Variants in ADGRL2 observed in about 807,000 individuals in gnomAD.
ADGRL2 encodes the protein adhesion G protein-coupled receptor L2.
ADGRL2 carries 44 observed loss-of-function variants against 157.4 expected under a neutral mutation model. The ratio of observed to expected loss-of-function variants is 0.28; its 90% confidence interval spans 0.22 to 0.36. The LOEUF (loss-of-function observed/expected upper bound fraction) is 0.36. Ranked by LOEUF, ADGRL2 falls within the 10% of genes least tolerant of loss-of-function variation. The pLI is 1.00. For synonymous variants in ADGRL2, 585 were observed against 624.7 expected, an observed-to-expected ratio of 0.94 and a Z score of 0.95; for missense variants, 1,510 against 1,768.9, an observed-to-expected ratio of 0.85 and a Z score of 2.63.
At chr1:81,816,149 CAA>C (rs146160321) in intron 1 of ADGRL2, among the ~76,000 whole-genome samples, 1,764 of 151,794 alleles carry the variant, frequency 0.012, 25 homozygotes, top group African/African-American at 0.029. Flanking sequence ...CTGTGAAAAT[CAA>C]GAGGAGCATA....
intron 2 of ADGRL2, among the ~76,000 whole-genome samples, chr1:81,466,775 C>G (rs1403562783): frequency 6.6e-6 from 1 of 151,908 alleles, no homozygotes; most frequent in Non-Finnish European, 1.5e-5. Context: ...CTAGCCAACT[C>G]CAGAAGTCAT....
intron 3 of ADGRL2, among the ~76,000 whole-genome samples, chr1:81,613,234 A>G (rs1015051439): frequency 2.6e-5 from 4 of 152,202 alleles, no homozygotes; most frequent in South Asian, 4.1e-4. Context: ...AAGATAATGC[A>G]TGTAAAACAC....
chr1:81,770,508 T>C (rs187229183), intron 2 of ADGRL2, among the ~76,000 whole-genome samples: 196 of 148,812 alleles, frequency 1.3e-3, no homozygotes, highest in Non-Finnish European at 2.1e-3. Flanking sequence ...AGTTTTGCTC[T>C]TGTTGCCCAG....
intron 2 of ADGRL2, among the ~76,000 whole-genome samples, chr1:81,456,166 A>C (rs942802432): frequency 1.3e-5 from 2 of 152,070 alleles, no homozygotes; most frequent in Non-Finnish European, 2.9e-5. Flanking sequence ...CAGTTTACTT[A>C]GGATATGATA....
chr1:81,511,674 G>A (rs892922056), intron 2 of ADGRL2, among the ~76,000 whole-genome samples: 3 of 151,892 alleles, frequency 2.0e-5, no homozygotes, highest in African/African-American at 7.3e-5. Context: ...CTTTCCACAT[G>A]TTTCTTATTC....
intron 1 of ADGRL2, among the ~76,000 whole-genome samples, chr1:81,339,710 T>C (rs1661927364): frequency 6.6e-6 from 1 of 152,188 alleles, no homozygotes; most frequent in Non-Finnish European, 1.5e-5. Flanking sequence ...AGCTCCCACC[T>C]GTTATACACA....
Position 81,543,578 on chromosome 1 carries a change from T to C in ADGRL2, c.-247-37298T>C, listed in dbSNP as rs115299381. Among the ~76,000 whole-genome samples the C allele has an allele frequency of 2.9e-3, 447 of 152,354 alleles. 3 individuals are homozygous for C. Among genetic ancestry groups the C allele is most frequent in the African/African-American group, 0.01 (426 of 41,588 alleles). On this transcript the variant is annotated intron_variant, in intron 2 of 24. Coordinates refer to the ADGRL2 transcript ENST00000370721. ...TTATTTCTGGTTACTTCTTATCCCT[T>C]CTGCTGCTGCTACCCCAACTGGAAT...
In ADGRL2 at chr1:81,841,453, A is replaced by G. The variant is rs570375217; in HGVS notation, c.73+4396A>G. Among the ~76,000 whole-genome samples the G allele has an allele frequency of 7.9e-5, 12 of 152,282 alleles. No homozygotes were observed. The South Asian group carries it at 1.7e-3, about 21-fold the overall frequency. On this transcript the variant is annotated intron_variant, in intron 2 of 23. Transcript: ENST00000686636. ...AAAAAGGCAGATTTAGGGGTTAAATATGAAATAGTGAAAACTGTTTCTGGC... is the reference window on the plus strand; with the variant it reads ...AAAAAGGCAGATTTAGGGGTTAAATGTGAAATAGTGAAAACTGTTTCTGGC...
intron 6 of ADGRL2, among the ~76,000 whole-genome samples, chr1:81,947,951 G>A (rs184442761): frequency 3.3e-5 from 5 of 152,178 alleles, no homozygotes; most frequent in South Asian, 4.1e-4. Context: ...GGGCACAGTC[G>A]CTCATGCCTG....
intron 3 of ADGRL2, among the ~76,000 whole-genome samples, chr1:81,581,872 G>GCACACA (rs1491200756): frequency 6.3e-4 from 54 of 85,358 alleles, no homozygotes; most frequent in African/African-American, 2.1e-3. Context: ...ACACACATGC[G>GCACACA]CGCACACACA....
intron 3 of ADGRL2, among the ~76,000 whole-genome samples, chr1:81,639,540 CAAAAAAAAAAAAAAAAA>C: frequency 1.2e-5 from 1 of 82,994 alleles, no homozygotes; most frequent in East Asian, 5.4e-4. Context: ...TCCATCTCTA[CAAAAAAAAAAAAAAAAA>C]AAAAAAAAGA....
chr1:81,426,879 G>A (rs1570936926), intron 1 of ADGRL2: 3 of 638,042 alleles, frequency 4.7e-6, no homozygotes, highest in Non-Finnish European at 8.8e-6. Context: ...AATATAATTT[G>A]AGACTACTTT....
At chr1:81,716,441 T>C (rs1371640129) in intron 1 of ADGRL2, among the ~76,000 whole-genome samples, 1 of 152,348 alleles carries the variant, frequency 6.6e-6, no homozygotes, top group East Asian at 1.9e-4. Context: ...TGTTCTTTCA[T>C]TGAGTATTGC....
intron 3 of ADGRL2, among the ~76,000 whole-genome samples, chr1:81,627,515 C>T (rs1570675925): frequency 1.3e-5 from 2 of 152,226 alleles, no homozygotes; most frequent in East Asian, 3.9e-4. Flanking sequence ...CTCCATTAAG[C>T]CCTTTATTTT....
intron 1 of ADGRL2, among the ~76,000 whole-genome samples, chr1:81,745,018 T>C (rs1557613719): frequency 6.6e-6 from 1 of 151,964 alleles, no homozygotes; most frequent in Non-Finnish European, 1.5e-5. Flanking sequence ...GAGGACTGAG[T>C]TGACAACAGA....
intron 1 of ADGRL2, among the ~76,000 whole-genome samples, chr1:81,399,061 G>A (rs1206783362): frequency 2.0e-5 from 3 of 152,150 alleles, no homozygotes; most frequent in Admixed American, 6.5e-5. Context: ...TGACTGGGAG[G>A]CCTCAGGAAA....
intron 2 of ADGRL2, among the ~76,000 whole-genome samples, chr1:81,883,353 A>C (rs1156375018): frequency 6.6e-6 from 1 of 152,214 alleles, no homozygotes; most frequent in Non-Finnish European, 1.5e-5. Flanking sequence ...ATGTCAAATT[A>C]ACACAGGCCA....
intron 3 of ADGRL2, among the ~76,000 whole-genome samples, chr1:81,689,733 G>A (rs987003642): frequency 5.9e-5 from 9 of 152,170 alleles, no homozygotes; most frequent in African/African-American, 2.2e-4. Flanking sequence ...CCTGTGAGTG[G>A]AATCGGGGGA....
intron 2 of ADGRL2, among the ~76,000 whole-genome samples, chr1:81,535,841 A>C (rs17420903): frequency 0.12 from 18,794 of 152,208 alleles, 1,176 homozygotes; most frequent in South Asian, 0.14. Context: ...TTGAAATCTA[A>C]ATACAAATTA....
Sources: gnomAD v4.1 joint callset for allele counts (sites outside exome capture counted in the v4.1 genomes callset) on GRCh38, gnomAD v4.1.1 for gene constraint, MANE v1.5 for transcripts, NCBI Gene and HGNC (gene_info 2026-07-23, HGNC 2026-07-21) for gene names.